The following ZNF695 variants were observed in gnomAD, a reference collection of about 807,000 sequenced individuals.
ZNF695 encodes the protein zinc finger protein SBZF3.
A neutral mutation model predicts 11.2 loss-of-function variants in ZNF695; 11 were observed. The ratio of observed to expected loss-of-function variants is 0.98; its 90% CI spans 0.62 to 1.62. The LOEUF is 1.62. Among genes scored for constraint, ZNF695 ranks in the 40% most tolerant of loss-of-function variants. ZNF695 has a pLI of 0.00. For missense variants in ZNF695, 559 were observed against 590.5 expected, an observed-to-expected ratio of 0.95 and a Z score of 0.55; for synonymous variants, 190 against 201.4, an observed-to-expected ratio of 0.94 and a Z score of 0.48.
chr1:246,946,491 AT>A (rs1351257546), intron 5 of ZNF695, among the ~76,000 whole-genome samples: 1 of 152,184 alleles, frequency 6.6e-6, no homozygotes, highest in African/African-American at 2.4e-5. Context: ...GTAGCCAACA[AT>A]TGCACTCATT....
chr1:246,983,893 T>C (rs1283119571), downstream of ZNF695, among the ~76,000 whole-genome samples: 1 of 151,852 alleles, frequency 6.6e-6, no homozygotes, highest in Non-Finnish European at 1.5e-5. Context: ...GTGTGGCTCA[T>C]ACCTATAATC....
At chr1:246,985,184 G>C (rs981916578), downstream of ZNF695, 2 of 524,290 alleles carry the variant, frequency 3.8e-6, no homozygotes, top group African/African-American at 4.1e-5. Flanking sequence ...CCTTAGAGTA[G>C]TATATTTATG....
intron 4 of ZNF695, among the ~76,000 whole-genome samples, chr1:246,970,789 C>T (rs953693303): frequency 7.9e-5 from 12 of 152,282 alleles, no homozygotes; most frequent in African/African-American, 2.6e-4. Flanking sequence ...TGTTTTGAGA[C>T]GAAGTCTCGC....
chr1:246,956,941 T>TTCA (rs1668017037), intron 5 of ZNF695, among the ~76,000 whole-genome samples: 5 of 152,118 alleles, frequency 3.3e-5, no homozygotes, highest in Non-Finnish European at 7.4e-5. Context: ...ACAGGTGGTA[T>TTCA]CATGATATGT....
chr1:246,954,783 A>G (rs1285263916), intron 5 of ZNF695, among the ~76,000 whole-genome samples: 2 of 152,192 alleles, frequency 1.3e-5, no homozygotes, highest in African/African-American at 4.8e-5. Context: ...CTTGCTCACT[A>G]AGTTTTTAGG....
In ZNF695 at chr1:246,997,484, C is replaced by T. The variant is rs529225154; in HGVS notation, c.259+1864G>A. Among the ~76,000 whole-genome samples, 5 of 150,600 alleles carry T rather than the reference C, an allele frequency of 3.3e-5. No individual in the cohort carries two copies. The East Asian group carries it at 7.8e-4, about 24-fold the overall frequency. ...CGCCACTGCACTCCAGCCTGGGCGA[C>T]AGAGCGAGACTCTGTCTCAAGAAAA... is the stretch of plus-strand genomic sequence containing the variant. On this transcript the variant is annotated intron_variant, in intron 3 of 3. Transcript: ENST00000339986.
chr1:246,947,163 A>C (rs1667758182), intron 5 of ZNF695, among the ~76,000 whole-genome samples: 1 of 138,454 alleles, frequency 7.2e-6, no homozygotes, highest in Non-Finnish European at 1.5e-5. Flanking sequence ...AAAATCAAAG[A>C]GTAAATGGGG....
Position 247,007,984 on chromosome 1 carries a change from G to A in ZNF695, c.-76C>T. 7.0e-7 allele frequency: 1 copy of A among 1,419,058 alleles called. No homozygotes were observed. Among genetic ancestry groups the A allele is most frequent in the Non-Finnish European group, 9.3e-7 (1 of 1,072,716 alleles). The allele number at this position is 1,419,058 out of a possible 1,614,324, so 87.9% of individuals were successfully genotyped here. Reference sequence around the variant, plus strand: ...TGCAGGCCACAGGGCGATGGAGCCTGCGGCAGTCACCCGGGACTCTCCGAG... The same window carrying A: ...TGCAGGCCACAGGGCGATGGAGCCTACGGCAGTCACCCGGGACTCTCCGAG... On this transcript the variant is annotated 5_prime_UTR_variant, in exon 1 of 4. Transcript: ENST00000339986.
intron 5 of ZNF695, among the ~76,000 whole-genome samples, chr1:246,960,925 A>C (rs1668147615): frequency 6.6e-6 from 1 of 152,170 alleles, no homozygotes; most frequent in Non-Finnish European, 1.5e-5. Context: ...AAACAAACAA[A>C]AAACAAAAAA....
chr1:246,996,078 G>A, intron 3 of ZNF695: 1 of 450,284 alleles, frequency 2.2e-6, no homozygotes, highest in South Asian at 1.6e-5. Flanking sequence ...GGCAGTGGTG[G>A]CCCGTGCCTG....
chr1:246,958,444 A>G (rs2103003238), intron 5 of ZNF695, among the ~76,000 whole-genome samples: 1 of 152,286 alleles, frequency 6.6e-6, no homozygotes, highest in African/African-American at 2.4e-5. Context: ...ATAAAAATGA[A>G]GAAACCTCCA....
chr1:246,994,789 A>G (rs1201312602), intron 3 of ZNF695, among the ~76,000 whole-genome samples: 3 of 152,166 alleles, frequency 2.0e-5, no homozygotes, highest in Non-Finnish European at 4.4e-5. Flanking sequence ...GTGAGCCAAG[A>G]TAGCCCCACT....
chr1:246,969,159 TG>T (rs2103010791), intron 4 of ZNF695: 1 of 152,356 alleles, frequency 6.6e-6, no homozygotes, highest in Non-Finnish European at 1.5e-5. Context: ...CCCTTTTAAA[TG>T]TAAGTTCCAG....
exon 6 of ZNF695, chr1:246,945,735 G>A (rs966238237): frequency 1.5e-5 from 23 of 1,539,710 alleles, no homozygotes; most frequent in East Asian, 9.8e-5. Flanking sequence ...GTGTAAATTC[G>A]CCTCACGGAG....
intron 1 of ZNF695, among the ~76,000 whole-genome samples, chr1:247,004,709 A>C (rs895815254): frequency 5.3e-5 from 8 of 152,248 alleles, no homozygotes; most frequent in Non-Finnish European, 1.0e-4. Flanking sequence ...AAAACTATTC[A>C]AACTGAAAAG....
At chr1:246,945,732 T>C in exon 6 of ZNF695, 1 of 1,538,836 alleles carries the variant, frequency 6.5e-7, no homozygotes, top group South Asian at 1.2e-5. Flanking sequence ...CCGGTGTAAA[T>C]TCGCCTCACG....
At chr1:246,965,227 G>A (rs1243010441) in intron 5 of ZNF695, among the ~76,000 whole-genome samples, 2 of 151,712 alleles carry the variant, frequency 1.3e-5, no homozygotes, top group Non-Finnish European at 2.9e-5. Flanking sequence ...CATGGTGGCG[G>A]GCGCCTGTAG....
At position 246,976,793 on chromosome 1, in the gene ZNF695, C is replaced by CAAATAAATAAATAAAT. The variant is rs569407542; in HGVS notation, c.391-9017_391-9002dup. Among the ~76,000 whole-genome samples the CAAATAAATAAATAAAT allele has an allele frequency of 2.2e-3, 334 of 151,506 alleles. 1 individual carries two copies. Among genetic ancestry groups the CAAATAAATAAATAAAT allele is most frequent in the Non-Finnish European group, 3.2e-3 (219 of 67,932 alleles). On this transcript the variant is annotated intron_variant, in intron 4 of 5. Coordinates refer to the ZNF695 transcript ENST00000487338. ...TGGGCGACAGAGCGAAACTCCGTCT[C>CAAATAAATAAATAAAT]AAATAAATAAATAAATAAATAAATA...
downstream of ZNF695, among the ~76,000 whole-genome samples, chr1:246,983,729 A>G (rs1041998342): frequency 2.0e-5 from 3 of 152,102 alleles, no homozygotes; most frequent in Admixed American, 2.0e-4. Flanking sequence ...AAGGCAAGAG[A>G]CTTGATTGAA....
Sources: allele counts gnomAD v4.1 joint callset (sites outside exome capture counted in the v4.1 genomes callset), GRCh38; gene constraint gnomAD v4.1.1; transcripts MANE v1.5; gene names NCBI Gene and HGNC (gene_info 2026-07-23, HGNC 2026-07-21).